Variants in FHIT observed in about 807,000 individuals in gnomAD.
The protein encoded by FHIT is fragile histidine triad diadenosine triphosphatase, also known as bis(5'-adenosyl)-triphosphatase.
In FHIT, 19 loss-of-function variants were observed where a neutral mutation model predicts 17.9. The observed-to-expected ratio is 1.06, with a 90% confidence interval of 0.74 to 1.56. The LOEUF is 1.56. Ranked by LOEUF, FHIT falls within the 40% of genes most tolerant of loss-of-function variation. The probability of loss-of-function intolerance (pLI) is 0.00; values close to 1 mark genes in which losing one functional copy is unlikely to be tolerated. For synonymous variants in FHIT, 81 were observed against 69.7 expected (o/e 1.16, Z -0.81); for missense variants, 248 against 189.2 (o/e 1.31, Z -1.82).
At chr3:59,888,836 C>T (rs1487852928) in intron 8 of FHIT, among the ~76,000 whole-genome samples, 1 of 152,186 alleles carries the variant, frequency 6.6e-6, no homozygotes. Context: ...ATTTATTTGG[C>T]TCATGGTTCT....
intron 5 of FHIT, among the ~76,000 whole-genome samples, chr3:60,338,595 G>C (rs755108616): frequency 2.0e-5 from 3 of 152,070 alleles, no homozygotes; most frequent in Non-Finnish European, 2.9e-5. Context: ...TTCCAAAAAA[G>C]AGTTCAAAAA....
chr3:60,953,293 C>A (rs1708970466), intron 3 of FHIT, among the ~76,000 whole-genome samples: 1 of 152,116 alleles, frequency 6.6e-6, no homozygotes. Context: ...AAACTATATG[C>A]TCCCTAAACG....
chr3:61,000,425 G>A (rs753590246), intron 3 of FHIT, among the ~76,000 whole-genome samples: 1 of 152,144 alleles, frequency 6.6e-6, no homozygotes, highest in Non-Finnish European at 1.5e-5. Context: ...ACATTAAAAG[G>A]TCAAAGCATA....
At chr3:60,854,515 C>T (rs571449166) in intron 3 of FHIT, among the ~76,000 whole-genome samples, 100 of 149,606 alleles carry the variant, frequency 6.7e-4, no homozygotes, top group Non-Finnish European at 1.3e-3. Context: ...TGACACTGAG[C>T]TGGTATCTCA....
chr3:60,606,183 T>G (rs2038601958), intron 4 of FHIT, among the ~76,000 whole-genome samples: 1 of 152,102 alleles, frequency 6.6e-6, no homozygotes, highest in Admixed American at 6.5e-5. Flanking sequence ...GGATGTTTAC[T>G]ATAGCAAACA....
At chr3:60,517,987 T>C (rs1333763111) in intron 5 of FHIT, among the ~76,000 whole-genome samples, 1 of 152,180 alleles carries the variant, frequency 6.6e-6, no homozygotes, top group Non-Finnish European at 1.5e-5. Flanking sequence ...TTTTAAAGCA[T>C]GCCTATGAAG....
intron 5 of FHIT, among the ~76,000 whole-genome samples, chr3:60,053,478 G>A (rs767345468): frequency 6.6e-6 from 1 of 150,734 alleles, no homozygotes; most frequent in Non-Finnish European, 1.5e-5. Context: ...CATGCATTTT[G>A]CCTAGACATG....
intron 5 of FHIT, among the ~76,000 whole-genome samples, chr3:60,232,369 A>G (rs1338642877): frequency 6.6e-6 from 1 of 152,188 alleles, no homozygotes. Context: ...TTTTAAGAAC[A>G]GGAGCAATTT....
At chr3:60,373,836 T>C (rs372700326) in intron 5 of FHIT, among the ~76,000 whole-genome samples, 1 of 152,058 alleles carries the variant, frequency 6.6e-6, no homozygotes, top group African/African-American at 2.4e-5. Context: ...CTAGTAGCCA[T>C]GGAAGAAAAG....
At chr3:60,320,016 C>T (rs1709350575) in intron 5 of FHIT, among the ~76,000 whole-genome samples, 1 of 152,116 alleles carries the variant, frequency 6.6e-6, no homozygotes, top group Non-Finnish European at 1.5e-5. Flanking sequence ...TTAAAGCGCT[C>T]CGTAGGATGA....
At chr3:61,085,788 T>A (rs1467119088) in intron 2 of FHIT, among the ~76,000 whole-genome samples, 1 of 152,178 alleles carries the variant, frequency 6.6e-6, no homozygotes, top group African/African-American at 2.4e-5. Flanking sequence ...CCATTCCAAG[T>A]TAACTTTGTA....
chr3:60,295,832 G>T (rs535382460), intron 5 of FHIT, among the ~76,000 whole-genome samples: 2 of 152,112 alleles, frequency 1.3e-5, no homozygotes, highest in African/African-American at 4.8e-5. Context: ...TAACGCAGCT[G>T]GGCATACATA....
chr3:60,016,468 T>G (rs978580618), intron 5 of FHIT, among the ~76,000 whole-genome samples: 4 of 152,188 alleles, frequency 2.6e-5, no homozygotes, highest in African/African-American at 9.7e-5. Flanking sequence ...GCTGGCAACC[T>G]ACTCACTCAT....
chr3:60,035,605 G>C (rs531857756), intron 5 of FHIT, among the ~76,000 whole-genome samples: 1 of 152,276 alleles, frequency 6.6e-6, no homozygotes, highest in East Asian at 1.9e-4. Context: ...TTTGGGGGTA[G>C]AACATGGAAT....
intron 5 of FHIT, among the ~76,000 whole-genome samples, chr3:60,275,991 ATT>A (rs11457779): frequency 6.8e-6 from 1 of 147,904 alleles, no homozygotes; most frequent in African/African-American, 2.5e-5. Context: ...TGTTTTTGCA[ATT>A]TTTTTTTTTT....
intron 5 of FHIT, among the ~76,000 whole-genome samples, chr3:60,318,778 A>C (rs1390412739): frequency 2.0e-5 from 3 of 152,212 alleles, no homozygotes; most frequent in South Asian, 2.1e-4. Context: ...AAAATAATAC[A>C]AATATATTAT....
chr3:61,219,237 G>C (rs1048604793), intron 1 of FHIT, among the ~76,000 whole-genome samples: 3 of 152,038 alleles, frequency 2.0e-5, no homozygotes, highest in African/African-American at 7.2e-5. Context: ...TGACTGAAAT[G>C]ACATTATGTG....
intron 7 of FHIT, among the ~76,000 whole-genome samples, chr3:59,982,662 C>T (rs529511527): frequency 6.6e-6 from 1 of 152,142 alleles, no homozygotes; most frequent in African/African-American, 2.4e-5. Context: ...GGATGAAGTT[C>T]TGAGCTAGGT....
In FHIT at chr3:60,279,983, GA is replaced by G. The variant is rs1301456169; in HGVS notation, c.103+256876del. Among the ~76,000 whole-genome samples, 7 of 148,114 alleles carry G rather than the reference GA, an allele frequency of 4.7e-5. No individual in the cohort carries two copies. In the East Asian group the frequency reaches 1.2e-3, roughly 25 times the overall value. On this transcript the variant is annotated intron_variant, in intron 5 of 9. Transcript: ENST00000492590. ...GGAGGCGGAGCTTGCAGTGAGCGGAGATCGTGCCACCGCACTCCAGCGTGGG... is the reference window on the plus strand; with the variant it reads ...GGAGGCGGAGCTTGCAGTGAGCGGAGTCGTGCCACCGCACTCCAGCGTGGG...
Sources: allele counts gnomAD v4.1 joint callset (sites outside exome capture counted in the v4.1 genomes callset), GRCh38; gene constraint gnomAD v4.1.1; transcripts MANE v1.5; gene names NCBI Gene and HGNC (gene_info 2026-07-23, HGNC 2026-07-21).